PDXDC1: variants seen among roughly 807,000 people sequenced by gnomAD.
PDXDC1 encodes pyridoxal dependent decarboxylase domain containing 1.
In PDXDC1, 42 loss-of-function variants were observed where a neutral mutation model predicts 100.1. The observed-to-expected ratio is 0.42, with a 90% CI of 0.33 to 0.54. The LOEUF (loss-of-function observed/expected upper bound fraction) is 0.54. PDXDC1 is among the 20% of genes least tolerant of loss of function. The pLI, the probability that PDXDC1 is intolerant of heterozygous loss-of-function variation, is 0.10. For missense variants in PDXDC1, 636 were observed against 979.2 expected, an observed-to-expected ratio of 0.65 and a Z score of 4.68; for synonymous variants, 260 against 371.7, an observed-to-expected ratio of 0.70 and a Z score of 3.46.
chr16:15,048,447 T>C (rs1413681802), intron 16 of PDXDC1, among the ~76,000 whole-genome samples: 1 of 152,184 alleles, frequency 6.6e-6, no homozygotes, highest in Non-Finnish European at 1.5e-5. Flanking sequence ...CTTGAACTCC[T>C]GGGCTCAAGC....
chr16:15,032,631 GCCA>G (rs2043133181), intron 17 of PDXDC1: 1 of 367,044 alleles, frequency 2.7e-6, no homozygotes, highest in South Asian at 3.4e-5. Context: ...CCCAGCCTGG[GCCA>G]CCAAGTGAGA....
At chr16:15,111,255 G>C (rs967604692) in intron 16 of PDXDC1, among the ~76,000 whole-genome samples, 7 of 147,464 alleles carry the variant, frequency 4.7e-5, no homozygotes, top group Admixed American at 4.1e-4. Context: ...TCGGGAGTTT[G>C]AGACCAGCCT....
At chr16:15,021,008 ACACG>A (rs1326470518) in intron 12 of PDXDC1, among the ~76,000 whole-genome samples, 1 of 152,322 alleles carries the variant, frequency 6.6e-6, no homozygotes, top group East Asian at 1.9e-4. Flanking sequence ...ACACACACAC[ACACG>A]AAAAGTATTT....
intron 16 of PDXDC1, chr16:15,092,765 C>A: frequency 1.6e-6 from 1 of 626,166 alleles, no homozygotes; most frequent in Non-Finnish European, 2.9e-6. Context: ...ACAATCCTTC[C>A]TTTGCTCAGC....
At chr16:15,029,486 A>G (rs1365487454) in intron 15 of PDXDC1, 4 of 346,682 alleles carry the variant, frequency 1.2e-5, no homozygotes, top group African/African-American at 8.3e-5. Context: ...TGGTACATCC[A>G]TGCTGGGGCT....
chr16:15,133,674 G>C lies in PDXDC1; in HGVS notation c.1400-5205G>C. ...TGCAGCAGCAGGGCGTACACCAGCG[G>C]GGCGCCAGCATCCTCCGCGTCATGC... is the stretch of plus-strand genomic sequence containing the variant. On this transcript the variant is annotated intron_variant, in intron 16 of 16. Coordinates refer to the PDXDC1 transcript ENST00000535621. 4 of 1,583,560 alleles carry C rather than the reference G, an allele frequency of 2.5e-6. No homozygotes were observed. The Admixed American group carries it at 6.7e-5, about 27-fold the overall frequency.
intron 16 of PDXDC1, chr16:15,094,472 G>A (rs1348199085): frequency 1.8e-6 from 1 of 570,322 alleles, no homozygotes; most frequent in Non-Finnish European, 3.1e-6. Context: ...GGGAAGGACC[G>A]GCTCCATCCA....
intron 15 of PDXDC1, chr16:15,029,663 C>T (rs1219616640): frequency 7.9e-5 from 42 of 530,008 alleles, no homozygotes; most frequent in Non-Finnish European, 6.5e-6. Flanking sequence ...GGGGGCAGAC[C>T]ACATGTCAGC....
At chr16:14,984,450 AGAGAGT>A (rs1391886835) in intron 1 of PDXDC1, among the ~76,000 whole-genome samples, 332 of 105,364 alleles carry the variant, frequency 3.2e-3, no homozygotes, top group African/African-American at 0.011. Context: ...AGAGAGAGAG[AGAGAGT>A]GTGTGTGTGT....
At chr16:15,133,000 A>G (rs545975495) in intron 16 of PDXDC1, 66 of 1,437,372 alleles carry the variant, frequency 4.6e-5, no homozygotes, top group Admixed American at 1.5e-4. Context: ...ATTGACCCGC[A>G]ACACTGAGCT....
At chr16:15,078,110 T>C (rs2045543256) in intron 16 of PDXDC1, among the ~76,000 whole-genome samples, 1 of 152,214 alleles carries the variant, frequency 6.6e-6, no homozygotes, top group South Asian at 2.1e-4. Context: ...ACCTTCTTTG[T>C]AAACATTCTA....
At chr16:15,047,630 C>T (rs1028403087) in intron 16 of PDXDC1, 61 of 1,078,226 alleles carry the variant, frequency 5.7e-5, no homozygotes, top group Middle Eastern at 2.0e-4. Flanking sequence ...CCTGTCCCTC[C>T]GGACCGCCTC....
intron 9 of PDXDC1, 176 bp downstream of exon 9, chr16:15,016,389 ACAAAGAG>A (rs2041798313): frequency 7.4e-7 from 1 of 1,355,994 alleles, no homozygotes; most frequent in African/African-American, 1.5e-5. Flanking sequence ...TCACATAACT[ACAAAGAG>A]CAGTGTTATG....
intron 16 of PDXDC1, chr16:15,133,170 G>T (rs1442927556): frequency 2.2e-6 from 2 of 925,070 alleles, no homozygotes; most frequent in African/African-American, 1.6e-5. Flanking sequence ...TGGGGCCCGG[G>T]ATAAGCCCTC....
chr16:15,025,411 CACCGCCCCCCT>C (rs1212215176), intron 13 of PDXDC1: 2 of 152,516 alleles, frequency 1.3e-5, no homozygotes, highest in African/African-American at 4.8e-5. Context: ...AAATATTAAG[CACCGCCCCCCT>C]GCCGCCCGCC....
At chr16:15,128,516 C>T (rs552631600) in intron 16 of PDXDC1, 23 of 663,764 alleles carry the variant, frequency 3.5e-5, no homozygotes, top group African/African-American at 7.0e-5. Flanking sequence ...CGGCTTTGCA[C>T]GGCTCTGCCA....
chr16:14,979,394 A>T (rs1378479516), intron 1 of PDXDC1, among the ~76,000 whole-genome samples: 1 of 152,256 alleles, frequency 6.6e-6, no homozygotes, highest in African/African-American at 2.4e-5. Context: ...GGTTCAAGCG[A>T]TTCTCCTGCC....
intron 16 of PDXDC1, among the ~76,000 whole-genome samples, chr16:15,046,405 G>A (rs2044064452): frequency 6.6e-6 from 1 of 152,214 alleles, no homozygotes; most frequent in Non-Finnish European, 1.5e-5. Flanking sequence ...TGTGTGAACA[G>A]TGGTCTTGAC....
intron 1 of PDXDC1, among the ~76,000 whole-genome samples, chr16:14,976,461 A>T (rs1178918955): frequency 3.3e-5 from 5 of 152,284 alleles, no homozygotes; most frequent in Non-Finnish European, 7.3e-5. Flanking sequence ...GCTTAGCATA[A>T]ATTGGGTGGA....
Sources: allele counts gnomAD v4.1 joint callset (sites outside exome capture counted in the v4.1 genomes callset), GRCh38; gene constraint gnomAD v4.1.1; transcripts MANE v1.5; gene names NCBI Gene and HGNC (gene_info 2026-07-23, HGNC 2026-07-21).